The following DPP10 variants were observed in gnomAD, a reference collection of about 807,000 sequenced individuals.
The protein encoded by DPP10 is inactive dipeptidyl peptidase 10.
DPP10 carries 33 observed loss-of-function variants against 120.9 expected under a neutral mutation model. That is an observed-to-expected ratio of 0.27 (90% CI 0.21 to 0.37). DPP10 has a LOEUF of 0.37. DPP10 is among the 10% of genes least tolerant of loss of function. The probability of loss-of-function intolerance (pLI) is 1.00; values close to 1 mark genes in which losing one functional copy is unlikely to be tolerated. For missense variants in DPP10, 816 were observed against 942.8 expected (o/e 0.87, Z 1.76); for synonymous variants, 337 against 326.1 (o/e 1.03, Z -0.36).
intron 1 of DPP10, among the ~76,000 whole-genome samples, chr2:115,122,769 C>G (rs1162210449): frequency 6.6e-6 from 1 of 152,168 alleles, no homozygotes; most frequent in Non-Finnish European, 1.5e-5. Flanking sequence ...CATTACACGG[C>G]CTTAGGCTTT....
intron 1 of DPP10, among the ~76,000 whole-genome samples, chr2:114,651,129 T>C (rs1473199387): frequency 2.0e-5 from 3 of 152,164 alleles, no homozygotes; most frequent in Non-Finnish European, 4.4e-5. Flanking sequence ...GTCACTTGCA[T>C]ACATTACCTG....
At chr2:115,351,095 T>G (rs1194022704) in intron 3 of DPP10, among the ~76,000 whole-genome samples, 1 of 152,038 alleles carries the variant, frequency 6.6e-6, no homozygotes, top group Non-Finnish European at 1.5e-5. Flanking sequence ...GCACTATTCA[T>G]AATAGCAAAG....
chr2:115,797,611 G>A (rs1030926912), intron 19 of DPP10, among the ~76,000 whole-genome samples: 3 of 151,938 alleles, frequency 2.0e-5, no homozygotes, highest in African/African-American at 7.2e-5. Flanking sequence ...CATGGATGGA[G>A]AATGTACCCA....
At chr2:115,696,946 G>C (rs2091624943) in intron 7 of DPP10, among the ~76,000 whole-genome samples, 1 of 152,060 alleles carries the variant, frequency 6.6e-6, no homozygotes, top group African/African-American at 2.4e-5. Context: ...AATTGAGGGA[G>C]GTGAGGATGA....
At chr2:114,698,781 T>G in intron 1 of DPP10, among the ~76,000 whole-genome samples, 1 of 152,224 alleles carries the variant, frequency 6.6e-6, no homozygotes, top group East Asian at 1.9e-4. Flanking sequence ...TTCTTGCATT[T>G]TCACAGCTTG....
At chr2:114,798,108 G>T (rs1177187443) in intron 1 of DPP10, among the ~76,000 whole-genome samples, 1 of 152,116 alleles carries the variant, frequency 6.6e-6, no homozygotes, top group African/African-American at 2.4e-5. Flanking sequence ...AATCTGTCAA[G>T]GTCCCGAAAC....
At chr2:114,846,327 A>G (rs1273903344) in intron 1 of DPP10, among the ~76,000 whole-genome samples, 3 of 152,162 alleles carry the variant, frequency 2.0e-5, no homozygotes, top group Non-Finnish European at 4.4e-5. Context: ...AAATATGCTG[A>G]TCAATTACTC....
At chr2:115,133,257 A>G (rs1310311983) in intron 1 of DPP10, among the ~76,000 whole-genome samples, 16 of 143,836 alleles carry the variant, frequency 1.1e-4, no homozygotes, top group African/African-American at 4.1e-4. Context: ...CGGATTTGCC[A>G]TTGCATTACA....
chr2:115,134,444 T>C (rs2050542648), intron 1 of DPP10, among the ~76,000 whole-genome samples: 1 of 152,168 alleles, frequency 6.6e-6, no homozygotes, highest in Non-Finnish European at 1.5e-5. Flanking sequence ...AACAATCATA[T>C]GAAATATGTG....
chr2:114,712,913 C>G (rs888356756), intron 1 of DPP10, among the ~76,000 whole-genome samples: 2 of 151,708 alleles, frequency 1.3e-5, no homozygotes, highest in Non-Finnish European at 2.9e-5. Context: ...ATTTGTATGG[C>G]TGTAGTACAA....
At chr2:115,782,500 A>G in intron 17 of DPP10, 101 bp downstream of exon 17, 1 of 1,145,696 alleles carries the variant, frequency 8.7e-7, no homozygotes, top group Non-Finnish European at 1.3e-6. Flanking sequence ...TTCTTCTTCA[A>G]AAAATCCCCA....
At chr2:115,343,197 C>T (rs991987529) in intron 2 of DPP10, among the ~76,000 whole-genome samples, 4 of 152,128 alleles carry the variant, frequency 2.6e-5, no homozygotes, top group African/African-American at 4.8e-5. Flanking sequence ...AAGAGGAATA[C>T]ACCTAGCTTA....
At chr2:114,679,634 A>G (rs1698894292) in intron 1 of DPP10, among the ~76,000 whole-genome samples, 1 of 151,964 alleles carries the variant, frequency 6.6e-6, no homozygotes, top group African/African-American at 2.4e-5. Context: ...GTCCTTAGGT[A>G]ATTTTCATAA....
intron 5 of DPP10, among the ~76,000 whole-genome samples, chr2:115,678,426 A>G (rs2090430402): frequency 6.6e-6 from 1 of 152,362 alleles, no homozygotes; most frequent in East Asian, 1.9e-4. Flanking sequence ...GCAAGCACCC[A>G]GTCTTGGCAG....
At chr2:114,544,980 TA>T (rs1687261923) in intron 1 of DPP10, among the ~76,000 whole-genome samples, 1 of 151,956 alleles carries the variant, frequency 6.6e-6, no homozygotes, top group Admixed American at 6.6e-5. Flanking sequence ...GCCTCCCAAG[TA>T]GCTGGGATTA....
intron 3 of DPP10, among the ~76,000 whole-genome samples, chr2:115,496,910 A>T (rs1480230008): frequency 1.3e-5 from 2 of 151,980 alleles, no homozygotes; most frequent in African/African-American, 4.8e-5. Flanking sequence ...TAGGGAATGG[A>T]TGCTGCTGAT....
At chr2:114,973,182 A>G (rs1368228134) in intron 1 of DPP10, among the ~76,000 whole-genome samples, 1 of 152,140 alleles carries the variant, frequency 6.6e-6, no homozygotes, top group Non-Finnish European at 1.5e-5. Flanking sequence ...GTCATAGCAC[A>G]ATGAATTTCT....
intron 3 of DPP10, among the ~76,000 whole-genome samples, chr2:115,415,537 A>G (rs1035693729): frequency 2.0e-5 from 3 of 152,108 alleles, no homozygotes; most frequent in African/African-American, 7.2e-5. Flanking sequence ...TAAGGGCTCA[A>G]TGCCAAAAGT....
At chr2:115,428,058 C>T (rs1212410315) in intron 3 of DPP10, among the ~76,000 whole-genome samples, 1 of 152,196 alleles carries the variant, frequency 6.6e-6, no homozygotes, top group African/African-American at 2.4e-5. Context: ...AAGATGTTTG[C>T]TGAGGGATAA....
Sources: allele counts gnomAD v4.1 joint callset (sites outside exome capture counted in the v4.1 genomes callset), GRCh38; gene constraint gnomAD v4.1.1; transcripts MANE v1.5; gene names NCBI Gene and HGNC (gene_info 2026-07-23, HGNC 2026-07-21).